The following ARL15 variants were observed in gnomAD, a reference collection of about 807,000 sequenced individuals.
The protein encoded by ARL15 is ARF like GTPase 15.
In ARL15, 19 loss-of-function variants were observed where a neutral mutation model predicts 25.2. That is an observed-to-expected ratio of 0.75 (90% CI 0.53 to 1.10). The LOEUF is 1.10. Ranked by LOEUF, ARL15 falls within the 50% of genes least tolerant of loss-of-function variation. The pLI, the probability that ARL15 is intolerant of heterozygous loss-of-function variation, is 0.00. For missense variants in ARL15, 220 were observed against 246.0 expected, an observed-to-expected ratio of 0.89 and a Z score of 0.71; for synonymous variants, 94 against 86.8, an observed-to-expected ratio of 1.08 and a Z score of -0.46.
chr5:53,902,475 T>C (rs1053306314), intron 4 of ARL15, among the ~76,000 whole-genome samples: 13 of 152,230 alleles, frequency 8.5e-5, no homozygotes, highest in African/African-American at 3.1e-4. Context: ...TTGGCTTTTG[T>C]AATGGAATAT....
intron 4 of ARL15, among the ~76,000 whole-genome samples, chr5:53,963,632 A>G (rs546627977): frequency 1.3e-5 from 2 of 152,164 alleles, no homozygotes; most frequent in Admixed American, 1.3e-4. Context: ...ACATGGTGAA[A>G]CCCTGTCTCT....
intron 4 of ARL15, among the ~76,000 whole-genome samples, chr5:54,086,814 A>T (rs1420741976): frequency 6.6e-6 from 1 of 152,206 alleles, no homozygotes; most frequent in Non-Finnish European, 1.5e-5. Flanking sequence ...TTTGCTTTTC[A>T]CAAAAACTGG....
chr5:54,177,891 T>A (rs1754931535), intron 1 of ARL15, among the ~76,000 whole-genome samples: 1 of 152,278 alleles, frequency 6.6e-6, no homozygotes, highest in South Asian at 2.1e-4. Flanking sequence ...AGTGTTCAAT[T>A]CCCTCAGAGA....
intron 4 of ARL15, among the ~76,000 whole-genome samples, chr5:54,002,770 A>T (rs1748889212): frequency 6.6e-6 from 1 of 152,174 alleles, no homozygotes; most frequent in African/African-American, 2.4e-5. Flanking sequence ...AAAGTTGACA[A>T]GTTCTGTATC....
In ARL15 at chr5:53,971,324, T is replaced by C. The variant is rs372270068; in HGVS notation, c.463-84611A>G. Among the ~76,000 whole-genome samples the C allele has an allele frequency of 6.6e-5, 10 of 152,284 alleles. No homozygotes were observed. The South Asian group carries it at 2.1e-3, about 32-fold the overall frequency. ...TCTCCTTGGGAAATTTGTAATGTAT[T>C]TGACTCATGTTTTCATGGAGCTGTG... On this transcript the variant is annotated intron_variant, in intron 4 of 4. Transcript: ENST00000504924.
intron 4 of ARL15, among the ~76,000 whole-genome samples, chr5:53,964,021 G>A (rs1202065028): frequency 6.6e-6 from 1 of 152,142 alleles, no homozygotes; most frequent in Non-Finnish European, 1.5e-5. Context: ...GATTGCAGAA[G>A]AGAGATGGTA....
chr5:54,126,768 C>T (rs1237287561), intron 3 of ARL15, among the ~76,000 whole-genome samples: 1 of 152,210 alleles, frequency 6.6e-6, no homozygotes, highest in Non-Finnish European at 1.5e-5. Context: ...CAATGCCATG[C>T]CTTCGAACTT....
intron 3 of ARL15, among the ~76,000 whole-genome samples, chr5:54,130,923 AAAATGGGCAGAACACAAAACAGCTTT>A (rs1561235869): frequency 6.6e-6 from 1 of 152,146 alleles, no homozygotes; most frequent in Non-Finnish European, 1.5e-5. Context: ...TGGAGGGGAG[AAAATGGGCAGAACACAAAACAGCTTT>A]AAATTGAATT....
At chr5:54,044,046 T>C (rs1047010586) in intron 4 of ARL15, among the ~76,000 whole-genome samples, 3 of 152,052 alleles carry the variant, frequency 2.0e-5, no homozygotes, top group Non-Finnish European at 4.4e-5. Context: ...GTCACTCCTA[T>C]TGCATCATGA....
intron 4 of ARL15, among the ~76,000 whole-genome samples, chr5:54,072,080 A>G (rs574118545): frequency 2.9e-4 from 44 of 152,204 alleles, no homozygotes; most frequent in Middle Eastern, 3.2e-3. Flanking sequence ...CTGCCACTGT[A>G]TCACTCTTAT....
chr5:53,983,693 A>G (rs1422463674), intron 4 of ARL15, among the ~76,000 whole-genome samples: 1 of 152,172 alleles, frequency 6.6e-6, no homozygotes, highest in African/African-American at 2.4e-5. Flanking sequence ...TTTTAATGAG[A>G]TATCTGCATT....
chr5:53,911,639 G>A (rs1231114710), intron 4 of ARL15, among the ~76,000 whole-genome samples: 1 of 152,050 alleles, frequency 6.6e-6, no homozygotes, highest in Non-Finnish European at 1.5e-5. Flanking sequence ...CCCATCACCT[G>A]GGCAGTGTAC....
intron 4 of ARL15, among the ~76,000 whole-genome samples, chr5:54,097,657 G>C (rs534934061): frequency 6.6e-6 from 1 of 152,230 alleles, no homozygotes; most frequent in African/African-American, 2.4e-5. Context: ...ATTTAAGCTT[G>C]GTAACATGCT....
At chr5:54,024,659 T>A (rs537567437) in intron 4 of ARL15, among the ~76,000 whole-genome samples, 1 of 152,284 alleles carries the variant, frequency 6.6e-6, no homozygotes, top group South Asian at 2.1e-4. Context: ...TCATAACACA[T>A]AACCCTATTT....
At chr5:54,252,510 C>T (rs1757257731) in intron 1 of ARL15, among the ~76,000 whole-genome samples, 1 of 152,130 alleles carries the variant, frequency 6.6e-6, no homozygotes. Context: ...ATGCATTTAA[C>T]AAAGGACAAG....
At chr5:54,002,372 A>G (rs1183708072) in intron 4 of ARL15, among the ~76,000 whole-genome samples, 1 of 152,194 alleles carries the variant, frequency 6.6e-6, no homozygotes, top group Non-Finnish European at 1.5e-5. Flanking sequence ...TAGTCAAAAT[A>G]GTGGAGAATT....
intron 4 of ARL15, among the ~76,000 whole-genome samples, chr5:54,094,175 C>G (rs1009975792): frequency 6.6e-6 from 1 of 152,152 alleles, no homozygotes; most frequent in Non-Finnish European, 1.5e-5. Flanking sequence ...TTGATACTCA[C>G]CAAATTTGTG....
At chr5:53,907,477 T>TATATAC (rs1554025268) in intron 4 of ARL15, among the ~76,000 whole-genome samples, 17 of 32,426 alleles carry the variant, frequency 5.2e-4, no homozygotes, top group African/African-American at 2.1e-3. Context: ...TATATATATA[T>TATATAC]ATATATATAT....
intron 1 of ARL15, among the ~76,000 whole-genome samples, chr5:54,181,849 T>C (rs1288716113): frequency 6.6e-6 from 1 of 151,314 alleles, no homozygotes; most frequent in Admixed American, 6.6e-5. Context: ...TTCTAACTGG[T>C]GTGAGATGAT....
Sources: gnomAD v4.1 joint callset for allele counts (sites outside exome capture counted in the v4.1 genomes callset) on GRCh38, gnomAD v4.1.1 for gene constraint, MANE v1.5 for transcripts, NCBI Gene and HGNC (gene_info 2026-07-23, HGNC 2026-07-21) for gene names.